Variants in LIPC observed in about 807,000 individuals in gnomAD.
LIPC encodes the protein hepatic triacylglycerol lipase.
A neutral mutation model predicts 50.7 loss-of-function variants in LIPC; 44 were observed. The ratio of observed to expected loss-of-function variants is 0.87; its 90% CI spans 0.68 to 1.11. The LOEUF (loss-of-function observed/expected upper bound fraction) is 1.11, where lower values mean the gene tolerates loss of function less well. Among genes scored for constraint, LIPC ranks in the 50% most tolerant of loss-of-function variants. The pLI is 0.00. For missense variants in LIPC, 697 were observed against 648.2 expected (o/e 1.08, Z -0.82); for synonymous variants, 271 against 256.4 (o/e 1.06, Z -0.54).
chr15:58,460,021 C>A (rs1209914174), intron 1 of LIPC, among the ~76,000 whole-genome samples: 1 of 152,222 alleles, frequency 6.6e-6, no homozygotes, highest in Non-Finnish European at 1.5e-5. Context: ...CCTGGAGGCC[C>A]AAAGGGAAGG....
intron 1 of LIPC, among the ~76,000 whole-genome samples, chr15:58,457,369 C>G (rs1894168722): frequency 6.6e-6 from 1 of 152,222 alleles, no homozygotes. Context: ...TTCAGCCTCC[C>G]AAAGTGCTGG....
At chr15:58,553,909 G>A (rs539610505) in intron 6 of LIPC, among the ~76,000 whole-genome samples, 54 of 152,064 alleles carry the variant, frequency 3.6e-4, no homozygotes, top group African/African-American at 1.1e-3. Flanking sequence ...GAGGCATTTC[G>A]GGTCTAGGAA....
intron 1 of LIPC, among the ~76,000 whole-genome samples, chr15:58,478,719 T>G (rs1287444430): frequency 4.6e-5 from 7 of 152,210 alleles, no homozygotes; most frequent in Non-Finnish European, 1.0e-4. Flanking sequence ...AAGAGCACCT[T>G]GAGCTACTAG....
At chr15:58,527,295 C>T (rs770725582) in intron 1 of LIPC, among the ~76,000 whole-genome samples, 7 of 152,118 alleles carry the variant, frequency 4.6e-5, no homozygotes, top group African/African-American at 9.7e-5. Flanking sequence ...GGATAGGAAC[C>T]GCTGTGCTGC....
At chr15:58,519,595 T>C (rs1255565591) in intron 1 of LIPC, among the ~76,000 whole-genome samples, 1 of 152,208 alleles carries the variant, frequency 6.6e-6, no homozygotes, top group Non-Finnish European at 1.5e-5. Flanking sequence ...CATTTTTCTC[T>C]GTCTTCTTCA....
At chr15:58,519,023 C>A (rs187750652) in intron 1 of LIPC, among the ~76,000 whole-genome samples, 49 of 152,160 alleles carry the variant, frequency 3.2e-4, no homozygotes, top group Middle Eastern at 6.8e-3. Context: ...GACGATGACT[C>A]TGGTTACCTT....
chr15:58,561,489 G>A (rs1432462229), intron 7 of LIPC, among the ~76,000 whole-genome samples: 3 of 152,164 alleles, frequency 2.0e-5, no homozygotes, highest in South Asian at 2.1e-4. Flanking sequence ...GAAGCCTCCA[G>A]GTAGCAGGCT....
chr15:58,474,216 G>C (rs1410805347), intron 1 of LIPC, among the ~76,000 whole-genome samples: 1 of 152,136 alleles, frequency 6.6e-6, no homozygotes, highest in Non-Finnish European at 1.5e-5. Flanking sequence ...CTCTCTGCTG[G>C]GGGCAGTAAA....
chr15:58,510,035 C>G (rs528808346), intron 1 of LIPC, among the ~76,000 whole-genome samples: 8 of 152,058 alleles, frequency 5.3e-5, no homozygotes, highest in Non-Finnish European at 1.2e-4. Context: ...TCCAGTTCCA[C>G]TGTTAATAAA....
chr15:58,538,403 G>T lies in LIPC; in HGVS notation c.159G>T (p.Leu53=), dbSNP rs775758554. The T allele has an allele frequency of 1.2e-6, 2 of 1,614,048 alleles. No individual in the cohort carries two copies. Among genetic ancestry groups the T allele is most frequent in the African/African-American group, 2.7e-5 (2 of 74,910 alleles). ...KTLHEMKTRF[L]LFGETNQGCQ... is the part of the protein sequence containing the mutation. ...TGCATGAGATGAAGACCAGATTCCTGCTCTTTGGAGAAACCAATCAGGGCT... is the reference window on the plus strand; with the variant it reads ...TGCATGAGATGAAGACCAGATTCCTTCTCTTTGGAGAAACCAATCAGGGCT... The change falls in exon 2 of 9, where the codon CTG becomes CTT. Residue 53 remains leucine (L), a synonymous_variant. Transcript: ENST00000299022.
intron 1 of LIPC, among the ~76,000 whole-genome samples, chr15:58,448,313 T>G (rs906230223): frequency 3.3e-5 from 5 of 152,198 alleles, no homozygotes; most frequent in Admixed American, 6.5e-5. Context: ...TCAAGCCAGG[T>G]GAAGGCAAGT....
chr15:58,438,136 T>C (rs1472616071), intron 1 of LIPC, among the ~76,000 whole-genome samples: 2 of 152,136 alleles, frequency 1.3e-5, no homozygotes, highest in African/African-American at 4.8e-5. Context: ...ATCTGGTACC[T>C]GGCTACCCAC....
intron 1 of LIPC, among the ~76,000 whole-genome samples, chr15:58,447,016 T>C (rs1195191061): frequency 6.6e-6 from 1 of 151,626 alleles, no homozygotes; most frequent in Non-Finnish European, 1.5e-5. Context: ...GGTGTGGTGG[T>C]ACGTGCCTGT....
At chr15:58,521,564 C>T (rs1456690087) in intron 1 of LIPC, 3 of 152,190 alleles carry the variant, frequency 2.0e-5, no homozygotes, top group African/African-American at 4.8e-5. Context: ...GCTGGAGCCG[C>T]GTGTCGCAGG....
intron 1 of LIPC, among the ~76,000 whole-genome samples, chr15:58,447,515 C>T (rs1288659649): frequency 6.6e-6 from 1 of 152,182 alleles, no homozygotes; most frequent in Non-Finnish European, 1.5e-5. Flanking sequence ...TCCGGACCAG[C>T]AGGAGTGAGA....
intron 1 of LIPC, among the ~76,000 whole-genome samples, chr15:58,535,263 A>C (rs1050647111): frequency 6.6e-6 from 1 of 152,194 alleles, no homozygotes; most frequent in Admixed American, 6.5e-5. Flanking sequence ...AAGGAGCCAC[A>C]TGCTGTCTTT....
intron 1 of LIPC, among the ~76,000 whole-genome samples, chr15:58,520,560 T>C (rs1441842129): frequency 6.6e-6 from 1 of 152,192 alleles, no homozygotes; most frequent in African/African-American, 2.4e-5. Context: ...GCTGGAAAGC[T>C]GCCCCAGACA....
chr15:58,473,219 A>G (rs543436761), intron 1 of LIPC, among the ~76,000 whole-genome samples: 103 of 152,248 alleles, frequency 6.8e-4, no homozygotes, highest in African/African-American at 2.2e-3. Flanking sequence ...GGTGGGTTTT[A>G]TGTGACCAGA....
intron 1 of LIPC, among the ~76,000 whole-genome samples, chr15:58,481,188 G>A (rs1437294742): frequency 4.6e-5 from 7 of 152,240 alleles, no homozygotes; most frequent in African/African-American, 1.7e-4. Flanking sequence ...CCATTTGTAA[G>A]GAAACTGATA....
Sources: gnomAD v4.1 joint callset for allele counts (sites outside exome capture counted in the v4.1 genomes callset) on GRCh38, gnomAD v4.1.1 for gene constraint, MANE v1.5 for transcripts, NCBI Gene and HGNC (gene_info 2026-07-23, HGNC 2026-07-21) for gene names.